ABCA12: variants seen among roughly 807,000 people sequenced by gnomAD.
The protein encoded by ABCA12 is ATP binding cassette subfamily A member 12, also known as glucosylceramide transporter ABCA12.
A neutral mutation model predicts 293.5 loss-of-function variants in ABCA12; 156 were observed. That is an observed-to-expected ratio of 0.53 (90% confidence interval 0.47 to 0.61). The LOEUF is 0.61. Ranked by LOEUF, ABCA12 falls within the 20% of genes least tolerant of loss-of-function variation. The probability of loss-of-function intolerance (pLI) is 0.00; values close to 1 mark genes in which losing one functional copy is unlikely to be tolerated. For missense variants in ABCA12, 2,797 were observed against 3,090.2 expected (o/e 0.91, Z 2.25); for synonymous variants, 1,063 against 1,108.0 (o/e 0.96, Z 0.81).
At chr2:214,946,247 TAAAG>T (rs1698579257) in intron 48 of ABCA12, among the ~76,000 whole-genome samples, 1 of 152,100 alleles carries the variant, frequency 6.6e-6, no homozygotes, top group African/African-American at 2.4e-5. Flanking sequence ...TTTTAAAAAA[TAAAG>T]AAATTAGTGT....
intron 5 of ABCA12, among the ~76,000 whole-genome samples, chr2:215,051,447 G>A (rs1701317982): frequency 6.6e-6 from 1 of 152,060 alleles, no homozygotes. Context: ...TTATTGAAAT[G>A]CCTCAGTTAA....
chr2:214,947,612 C>T, intron 47 of ABCA12, 56 bp from the exon 48 acceptor site: 1 of 1,588,368 alleles, frequency 6.3e-7, no homozygotes, highest in Non-Finnish European at 8.6e-7. Context: ...ACCCTTAAAG[C>T]ACTAAATGGA....
rs765759527 is a variant in ABCA12, at chr2:214,949,057, C to G, written c.6945G>C (p.Leu2315=). The G allele has an allele frequency of 3.0e-5, 49 of 1,613,374 alleles. No homozygotes were observed. Among genetic ancestry groups the G allele is most frequent in the Admixed American group, 5.0e-5 (3 of 59,976 alleles). Residue 2315 remains leucine (L), a synonymous_variant, in exon 46 of 53, where the codon CTG becomes CTC. Coordinates refer to ENST00000272895, the MANE Select transcript of ABCA12 (RefSeq NM_173076.3). ...TTTCATACCCGGTCTTATTTCTGAT[C>G]AGAATGTTTCCACTTGAAGGAATGA... The part of the protein sequence containing the change: ...GDIIPSSGNI[L]IRNKTGSLGH...
chr2:214,953,975 A>G lies in ABCA12; in HGVS notation c.6526T>C (p.Tyr2176His). ...LDFLKAYGVE[Y>H]PNETFEMNKL... ...TTCATCTCAAAGGTTTCATTTGGGT[A>G]TTCCACTCCATATGCTTTTAAGAAG... Residue 2176 changes from tyrosine (Y) to histidine (H), a missense_variant, in exon 44 of 53, where the codon TAC becomes CAC. Physicochemically the swap from Tyr to His is moderately conservative, Grantham distance 83 (BLOSUM62 2). Coordinates refer to ENST00000272895, the MANE Select transcript of ABCA12 (RefSeq NM_173076.3). The G allele has an allele frequency of 6.2e-7, 1 of 1,614,118 alleles. No individual in the cohort carries two copies. The highest frequency in any genetic ancestry group is 8.5e-7 in the Non-Finnish European group (1 of 1,179,990).
intron 28 of ABCA12, 50 bp from the exon 29 acceptor site, chr2:214,983,915 G>A: frequency 6.5e-7 from 1 of 1,529,950 alleles, no homozygotes; most frequent in Non-Finnish European, 9.0e-7. Flanking sequence ...ATTGAAGCTA[G>A]ATATTAGGAA....
At chr2:215,082,496 A>G (rs940287257) in intron 2 of ABCA12, 1 of 152,168 alleles carries the variant, frequency 6.6e-6, no homozygotes, top group African/African-American at 2.4e-5. Flanking sequence ...TTTTGCAATA[A>G]TACTTTTATA....
intron 29 of ABCA12, among the ~76,000 whole-genome samples, chr2:214,982,907 C>T (rs1205544868): frequency 2.0e-5 from 3 of 152,058 alleles, no homozygotes; most frequent in Admixed American, 2.0e-4. Flanking sequence ...GTGGCTGGGA[C>T]ATGCTATTAT....
chr2:215,033,827 G>C (rs1252219474), intron 8 of ABCA12, among the ~76,000 whole-genome samples: 1 of 152,102 alleles, frequency 6.6e-6, no homozygotes, highest in Non-Finnish European at 1.5e-5. Context: ...TGTAGTCCCA[G>C]GTACTTGGGA....
At chr2:215,127,765 GCAT>G (rs1410284793) in intron 1 of ABCA12, among the ~76,000 whole-genome samples, 1 of 152,146 alleles carries the variant, frequency 6.6e-6, no homozygotes, top group Non-Finnish European at 1.5e-5. Flanking sequence ...TCTTTTAAGT[GCAT>G]CATTTAGGCC....
At chr2:215,076,658 A>T (rs1284413873) in intron 2 of ABCA12, among the ~76,000 whole-genome samples, 3 of 152,196 alleles carry the variant, frequency 2.0e-5, no homozygotes, top group Non-Finnish European at 2.9e-5. Context: ...CTAGAAAAAC[A>T]CACACATGTG....
intron 2 of ABCA12, among the ~76,000 whole-genome samples, chr2:215,096,933 G>C (rs1702259987): frequency 6.6e-6 from 1 of 151,844 alleles, no homozygotes; most frequent in African/African-American, 2.4e-5. Flanking sequence ...TGGAATTTAG[G>C]AAAAAGGGGG....
At chr2:215,016,116 C>G (rs1700491699) in intron 14 of ABCA12, among the ~76,000 whole-genome samples, 1 of 151,256 alleles carries the variant, frequency 6.6e-6, no homozygotes, top group African/African-American at 2.4e-5. Flanking sequence ...TGCACTCCAG[C>G]CTGGGAGACA....
chr2:214,976,123 A>T, intron 33 of ABCA12, 86 bp from the exon 34 acceptor site: 1 of 1,531,738 alleles, frequency 6.5e-7, no homozygotes, highest in African/African-American at 1.4e-5. Context: ...TAAATGGTAT[A>T]ATACACTGTG....
intron 30 of ABCA12, among the ~76,000 whole-genome samples, chr2:214,981,759 TG>T (rs1273665863): frequency 5.1e-5 from 6 of 117,768 alleles, no homozygotes; most frequent in Admixed American, 1.3e-4. Context: ...GTCGTCAAGC[TG>T]GTTTTTTTTT....
intron 1 of ABCA12, among the ~76,000 whole-genome samples, chr2:215,123,472 C>G (rs59667179): frequency 0.082 from 12,529 of 152,146 alleles, 1,195 homozygotes; most frequent in African/African-American, 0.23. Context: ...CACCTGGCGT[C>G]CCACATTTTC....
chr2:214,974,053 A>G lies in ABCA12; in HGVS notation c.5469-11T>C. ...TTGTTTAAACACTGTCTGCAAGTTA[A>G]AATGATATTGCTGTGAGGTGTGTAT... On this transcript the variant is annotated splice_polypyrimidine_tract_variant and intron_variant, in intron 35 of 52. Transcript: ENST00000272895. 1 of 1,610,062 alleles carries G rather than the reference A, an allele frequency of 6.2e-7. No individual in the cohort carries two copies. The highest frequency in any genetic ancestry group is 8.5e-7 in the Non-Finnish European group (1 of 1,176,396).
intron 19 of ABCA12, among the ~76,000 whole-genome samples, chr2:215,007,428 T>C (rs977985174): frequency 1.3e-5 from 2 of 152,208 alleles, no homozygotes; most frequent in Non-Finnish European, 2.9e-5. Context: ...ACAAGCATTT[T>C]TGTAGCATTT....
intron 3 of ABCA12, among the ~76,000 whole-genome samples, chr2:215,060,964 T>C (rs189963291): frequency 6.6e-6 from 1 of 152,128 alleles, no homozygotes; most frequent in African/African-American, 2.4e-5. Context: ...GCCCCCAGGA[T>C]CTCAGGAAAG....
intron 36 of ABCA12, among the ~76,000 whole-genome samples, chr2:214,973,100 C>T (rs903785833): frequency 5.9e-5 from 9 of 152,208 alleles, no homozygotes; most frequent in Non-Finnish European, 1.2e-4. Flanking sequence ...GCTGGGATTA[C>T]AGGCTTGAGC....
Sources: allele counts gnomAD v4.1 joint callset (sites outside exome capture counted in the v4.1 genomes callset), GRCh38; gene constraint gnomAD v4.1.1; transcripts MANE v1.5; gene names NCBI Gene and HGNC (gene_info 2026-07-23, HGNC 2026-07-21).